Variants in CILP2 observed in about 807,000 individuals in gnomAD.
The protein encoded by CILP2 is CILP-2.
A neutral mutation model predicts 45.6 loss-of-function variants in CILP2; 38 were observed. The observed-to-expected ratio is 0.83, with a 90% CI of 0.64 to 1.09. The LOEUF is 1.09. CILP2 is among the 50% of genes least tolerant of loss of function. The probability of loss-of-function intolerance (pLI) is 0.00; values close to 1 mark genes in which losing one functional copy is unlikely to be tolerated. For missense variants in CILP2, 1,735 were observed against 1,662.2 expected, an observed-to-expected ratio of 1.04 and a Z score of -0.76; for synonymous variants, 780 against 723.5, an observed-to-expected ratio of 1.08 and a Z score of -1.25.
intron 7 of CILP2, 48 bp from the exon 8 acceptor site, chr19:19,543,633 A>G (rs1422645253): frequency 6.5e-7 from 1 of 1,536,306 alleles, no homozygotes; most frequent in Non-Finnish European, 8.8e-7. Flanking sequence ...CTTGGCCTCC[A>G]TGAAGTCCTC....
At position 19,542,595 on chromosome 19, in the gene CILP2, C is replaced by T. The variant is rs1003979630; in HGVS notation, c.813C>T (p.Ala271=). The change falls in exon 5 of 8, where the codon GCC becomes GCT. Residue 271 remains alanine, a synonymous_variant. Coordinates refer to ENST00000291495, the MANE Select transcript of CILP2 (RefSeq NM_153221.2). ...TGGATGGCTTCTCTGCAGGGGAGGC[C>T]CAGGCCCAGGCCAACGGATCCATCT... ...AQMDGFSAGE[A]QAQANGSISV... 2 of 1,613,944 alleles carry T rather than the reference C, an allele frequency of 1.2e-6. No homozygotes were observed. The highest frequency in any genetic ancestry group is 2.7e-5 in the African/African-American group (2 of 74,910).
chr19:19,545,749 C>G lies in CILP2; in HGVS notation c.3204C>G (p.Ser1068Arg), dbSNP rs1310096605. The G allele has an allele frequency of 6.2e-7, 1 of 1,612,036 alleles. No individual in the cohort carries two copies. The highest frequency in any genetic ancestry group is 8.5e-7 in the Non-Finnish European group (1 of 1,179,024). Reference protein sequence around the residue: ...NYGVYTVTDQSPRLAKEIAIG... With the variant: ...NYGVYTVTDQRPRLAKEIAIG... ...GCGTCTACACTGTCACTGACCAGAG[C>G]CCACGCTTGGCCAAGGAGATCGCCA... The change falls in exon 8 of 8, where the codon AGC becomes AGG. Residue 1068 changes from serine (S) to arginine (R), a missense_variant. By Grantham distance (110) the Ser-to-Arg change is moderately radical (BLOSUM62 -1). Transcript: ENST00000291495.
At chr19:19,540,866 C>T (rs2144676172) in intron 3 of CILP2, 2 of 419,830 alleles carry the variant, frequency 4.8e-6, no homozygotes, top group Non-Finnish European at 8.2e-6. Flanking sequence ...TCCCCGGGAC[C>T]TTATGCGGGG....
At position 19,540,164 on chromosome 19, in the gene CILP2, C is replaced by T. The variant is rs369514846; in HGVS notation, c.164-40C>T. 31 of 1,510,394 alleles carry T rather than the reference C, an allele frequency of 2.1e-5. No homozygotes were observed. The African/African-American group carries it at 3.8e-4, about 19-fold the overall frequency. The allele number at this position is 1,510,394 out of a possible 1,614,324, so 93.6% of individuals were successfully genotyped here. On this transcript the variant is annotated intron_variant, in intron 2 of 7. Coordinates refer to ENST00000291495, the MANE Select transcript of CILP2 (RefSeq NM_153221.2). The stretch of plus-strand genomic sequence containing the variant: ...CTTTGCACGCATGCATGGGGGCCTA[C>T]AGGCCGCCGCCCTGGTCCCAGCGCG...
rs746672172 is a variant in CILP2 at position 19,543,978 on chromosome 19, G to C, written c.1433G>C (p.Arg478Pro). 3 of 1,613,474 alleles carry C rather than the reference G, an allele frequency of 1.9e-6. No homozygotes were observed. The highest frequency in any genetic ancestry group is 1.3e-5 in the African/African-American group (1 of 74,946). Residue 478 changes from arginine (R) to proline (P), a missense_variant, in exon 8 of 8, where the codon CGT becomes CCT. Transcript: ENST00000291495. ...CCCCCTCGGGGGCTGGTCCGGGGCC[G>C]TGTTGTGGCTGCTGACTCCGGGGAG... ...CLPPRGLVRG[R>P]VVAADSGEPL...
rs2061265127 is a variant in CILP2, at chr19:19,546,289, G to A, written c.*273G>A. On this transcript the variant is annotated 3_prime_UTR_variant, in exon 8 of 8. Transcript: ENST00000291495. ...GTTCAACCCTAGCCTGAAGGGACCC[G>A]CTCCCAGCTCAGAAGCCGTCTCTGA... is the stretch of plus-strand genomic sequence containing the variant. The A allele has an allele frequency of 3.1e-6, 1 of 327,274 alleles. No individual in the cohort carries two copies. Among genetic ancestry groups the A allele is most frequent in the African/African-American group, 2.1e-5 (1 of 47,140 alleles). 20.3% of individuals were successfully genotyped at this position (327,274 alleles called of 1,614,324 possible).
In CILP2 at chr19:19,538,314, G is replaced by T; in HGVS notation, c.-36G>T. ...CGGAGTTGGACCCGAGCACGCCGCG[G>T]AGCCCGGACCCTCCCTCGGACGCTC... On this transcript the variant is annotated 5_prime_UTR_variant, in exon 1 of 8. Transcript: ENST00000291495. 1 of 1,551,114 alleles carries T rather than the reference G, an allele frequency of 6.4e-7. No homozygotes were observed.
At position 19,542,488 on chromosome 19, in the gene CILP2, A is replaced by G; in HGVS notation, c.706A>G (p.Thr236Ala). 6.2e-7 allele frequency: 1 copy of G among 1,613,788 alleles called. No individual in the cohort carries two copies. Among genetic ancestry groups the G allele is most frequent in the Non-Finnish European group, 8.5e-7 (1 of 1,180,024 alleles). The part of the protein sequence containing the change: ...ARVSLRDQPG[T>A]VATSDAHGTF... ...GGTCTCCCTGCGAGACCAGCCTGGC[A>G]CTGTGGCCACCAGCGATGCTCACGG... The change falls in exon 5 of 8, where the codon ACT becomes GCT. Residue 236 changes from threonine (T) to alanine (A), a missense_variant. Physicochemically the swap from Thr to Ala is moderately conservative, Grantham distance 58. Transcript: ENST00000291495.
rs1273206369 is a variant in CILP2 at position 19,546,327 on chromosome 19, A to AT, written c.*315dup. 1 of 257,956 alleles carries AT rather than the reference A, an allele frequency of 3.9e-6. No homozygotes were observed. The highest frequency in any genetic ancestry group is 2.2e-5 in the African/African-American group (1 of 45,226). 16.0% of individuals were successfully genotyped at this position (257,956 alleles called of 1,614,324 possible). On this transcript the variant is annotated 3_prime_UTR_variant, in exon 8 of 8. Transcript: ENST00000291495. ...AAGCCGTCTCTGACTTCTCGTGCGT[A>AT]TTTTGACCCTGATTTCAATCTTCTA...
chr19:19,538,516 G>A, intron 1 of CILP2, 103 bp downstream of exon 1: 1 of 942,418 alleles, frequency 1.1e-6, no homozygotes, highest in Non-Finnish European at 1.5e-6. Flanking sequence ...AGGGACCCAC[G>A]CGCTTCCCCG....
Position 19,544,150 on chromosome 19 carries a change from C to T in CILP2, c.1605C>T (p.Val535=), listed in dbSNP as rs761645239. ...VDPSGEFMDA[V]RVLPFDPRGA... ...CCAGCGGTGAGTTCATGGACGCTGT[C>T]CGGGTCTTGCCTTTTGATCCTCGAG... is the stretch of plus-strand genomic sequence containing the variant. Residue 535 remains valine (V), a synonymous_variant, in exon 8 of 8, where the codon GTC becomes GTT. Transcript: ENST00000291495. 39 of 1,613,746 alleles carry T rather than the reference C, an allele frequency of 2.4e-5. No homozygotes were observed. The Middle Eastern group carries it at 4.9e-4, about 20-fold the overall frequency.
rs1424640177 is a variant in CILP2, at chr19:19,544,741, T to A, written c.2196T>A (p.Pro732=). ...RERRLFNLDV[P]ERRRCFVKVR... The stretch of plus-strand genomic sequence containing the variant: ...GGCGCCTGTTCAATCTGGACGTGCC[T>A]GAGCGCCGCCGCTGCTTCGTGAAGG... Residue 732 remains proline (P), a synonymous_variant, in exon 8 of 8, where the codon CCT becomes CCA. Coordinates refer to ENST00000291495, the MANE Select transcript of CILP2 (RefSeq NM_153221.2). The A allele has an allele frequency of 6.2e-7, 1 of 1,605,210 alleles. No homozygotes were observed. The highest frequency in any genetic ancestry group is 1.1e-5 in the South Asian group (1 of 90,866).
In CILP2 at chr19:19,541,107, G is replaced by T; in HGVS notation, c.453G>T (p.Ala151=). 2 of 1,261,074 alleles carry T rather than the reference G, an allele frequency of 1.6e-6. No individual in the cohort carries two copies. The highest frequency in any genetic ancestry group is 2.0e-6 in the Non-Finnish European group (2 of 1,002,938). The allele number at this position is 1,261,074 out of a possible 1,614,324, so 78.1% of individuals were successfully genotyped here. A position where few individuals can be genotyped will look rare whatever the true frequency, so the allele number is the denominator to read the frequency against. ...FRCPLEASWG[A]WGPWGPCSGS... ...CTTCCGCAGAAGCCTCGTGGGGCGC[G>T]TGGGGCCCGTGGGGTCCCTGCTCGG... Residue 151 remains alanine (A), a synonymous_variant, in exon 4 of 8, where the codon GCG becomes GCT. Coordinates refer to ENST00000291495, the MANE Select transcript of CILP2 (RefSeq NM_153221.2).
intron 2 of CILP2, 102 bp downstream of exon 2, chr19:19,539,879 G>A: frequency 2.1e-6 from 2 of 960,516 alleles, no homozygotes; most frequent in Non-Finnish European, 3.0e-6. Context: ...ACTAGACGAA[G>A]GGCCCGGCGC....
At position 19,543,701 on chromosome 19, in the gene CILP2, GA is replaced by G. The variant is rs2061252391; in HGVS notation, c.1157del (p.Asp386AlafsTer8). On this transcript the variant is annotated frameshift_variant, in exon 8 of 8. Transcript: ENST00000291495. LOFTEE classifies it low-confidence loss of function (END_TRUNC). ...TVLAPGQPAC[D>X]PRPREYLIKL... Reference sequence around the variant, plus strand: ...CCCAGCCCCAGGCCAGCCAGCCTGCGACCCCCGGCCCCGAGAGTACCTGATC... The same window carrying G: ...CCCAGCCCCAGGCCAGCCAGCCTGCGCCCCCGGCCCCGAGAGTACCTGATC... 6.3e-7 allele frequency: 1 copy of G among 1,596,008 alleles called. No homozygotes were observed. The highest frequency in any genetic ancestry group is 1.3e-5 in the African/African-American group (1 of 74,522).
Position 19,544,975 on chromosome 19 carries a change from C to G in CILP2, c.2430C>G (p.Thr810=). 6 of 1,597,316 alleles carry G rather than the reference C, an allele frequency of 3.8e-6. No homozygotes were observed. The highest frequency in any genetic ancestry group is 5.1e-6 in the Non-Finnish European group (6 of 1,178,010). ...DRPDAYTALV[T]ATLGGEELEP... is the part of the protein sequence containing the mutation. ...CAGACGCCTACACCGCCCTGGTCACCGCCACCCTGGGCGGCGAGGAGCTGG... is the reference window on the plus strand; with the variant it reads ...CAGACGCCTACACCGCCCTGGTCACGGCCACCCTGGGCGGCGAGGAGCTGG... Residue 810 remains threonine, a synonymous_variant, in exon 8 of 8, where the codon ACC becomes ACG. Coordinates refer to ENST00000291495, the MANE Select transcript of CILP2 (RefSeq NM_153221.2).
Position 19,545,818 on chromosome 19 carries a change from G to A in CILP2, c.3273G>A (p.Glu1091=). 2.5e-6 allele frequency: 4 copies of A among 1,587,250 alleles called. No homozygotes were observed. The highest frequency in any genetic ancestry group is 2.2e-5 in the South Asian group (2 of 89,466). Residue 1091 remains glutamate (E), a synonymous_variant, in exon 8 of 8, where the codon GAG becomes GAA. Coordinates refer to ENST00000291495, the MANE Select transcript of CILP2 (RefSeq NM_153221.2). ...FDGSSDGFSR[E]MKADAGTAVT... is the part of the protein sequence containing the mutation. The stretch of plus-strand genomic sequence containing the variant: ...GTTCCTCTGACGGCTTCTCCAGAGA[G>A]ATGAAGGCTGATGCCGGCACAGCCG...
chr19:19,545,357 G>C lies in CILP2; in HGVS notation c.2812G>C (p.Ala938Pro), dbSNP rs1230404838. ...GTGGCCCAACCCGCAGGAGTTCCGG[G>C]CCTGCTTCCTCAAGGTGAAGATCCA... ...AWWPNPQEFRACFLKVKIQGP... is the reference protein window; with the variant it reads ...AWWPNPQEFRPCFLKVKIQGP... The change falls in exon 8 of 8, where the codon GCC (alanine) becomes CCC (proline). Residue 938 changes from alanine (A) to proline (P), a missense_variant. Ala to Pro is a conservative substitution (Grantham distance 27, BLOSUM62 -1). Coordinates refer to ENST00000291495, the MANE Select transcript of CILP2 (RefSeq NM_153221.2). 1 of 1,612,322 alleles carries C rather than the reference G, an allele frequency of 6.2e-7. No homozygotes were observed. Among genetic ancestry groups the C allele is most frequent in the East Asian group, 2.2e-5 (1 of 44,834 alleles).
rs745879016 is a variant in CILP2, at chr19:19,542,570, T to A, written c.788T>A (p.Met263Lys). 1.9e-6 allele frequency: 3 copies of A among 1,613,964 alleles called. No homozygotes were observed. Among genetic ancestry groups the A allele is most frequent in the African/African-American group, 2.7e-5 (2 of 74,908 alleles). ...AGCCGCGCCAACATCAGGGCCCAGA[T>A]GGATGGCTTCTCTGCAGGGGAGGCC... ...ADSRANIRAQMDGFSAGEAQA... is the reference protein window; with the variant it reads ...ADSRANIRAQKDGFSAGEAQA... Residue 263 changes from methionine (M) to lysine (K), a missense_variant, in exon 5 of 8, where the codon ATG becomes AAG. Physicochemically the swap from Met to Lys is moderately conservative, Grantham distance 95. Transcript: ENST00000291495.
Sources: allele counts gnomAD v4.1 joint callset, GRCh38; gene constraint gnomAD v4.1.1; transcripts MANE v1.5; gene names NCBI Gene and HGNC (gene_info 2026-07-23, HGNC 2026-07-21).